The following CLCN5 variants were observed in gnomAD, a reference collection of about 807,000 sequenced individuals.
CLCN5 encodes the protein Cl-/H+ antiporter 5.
Under a neutral mutation model 54.0 loss-of-function variants are expected in CLCN5, and 17 were observed. The ratio of observed to expected loss-of-function variants is 0.31; its 90% CI spans 0.22 to 0.47. The LOEUF (loss-of-function observed/expected upper bound fraction) is 0.47. Among genes scored for constraint, CLCN5 ranks in the 20% least tolerant of loss-of-function variants. CLCN5 has a pLI of 1.00. For missense variants in CLCN5, 448 were observed against 646.7 expected (o/e 0.69, Z 3.33); for synonymous variants, 222 against 233.0 (o/e 0.95, Z 0.43).
intron 3 of CLCN5, chrX:50,010,692 A>C: frequency 5.6e-6 from 1 of 177,428 alleles, no homozygotes; most frequent in Non-Finnish European, 1.2e-5. Flanking sequence ...AATCCTTGCT[A>C]CCTGGGTGAG....
At chrX:50,048,758 C>G (rs930181142) in intron 4 of CLCN5, among the ~76,000 whole-genome samples, 20 of 110,833 alleles carry the variant, frequency 1.8e-4, no homozygotes, top group Admixed American at 1.6e-3. Flanking sequence ...TCCAAGGAAC[C>G]CTGGTTCCTT....
chrX:49,965,431 A>G (rs1927792624), intron 3 of CLCN5, among the ~76,000 whole-genome samples: 1 of 110,972 alleles, frequency 9.0e-6, no homozygotes, highest in Non-Finnish European at 1.9e-5. Flanking sequence ...TCAATTTTTG[A>G]TTGTTGCTAG....
intron 4 of CLCN5, among the ~76,000 whole-genome samples, chrX:50,057,399 C>CTG (rs1932770977): frequency 6.4e-5 from 5 of 78,472 alleles, no homozygotes; most frequent in African/African-American, 2.4e-4. Context: ...CTATCCAGGA[C>CTG]TCTCCTGGAT....
chrX:50,080,608 C>T lies in CLCN5; in HGVS notation c.618C>T (p.Tyr206=), dbSNP rs782322018. Residue 206 remains tyrosine, a synonymous_variant, in exon 8 of 15, where the codon TAC becomes TAT. Transcript: ENST00000376091. ...IISTDEGAFA[Y]IVNYFMYVLW... ...CCCTGTTCCAGGGAGCCTTTGCCTA[C>T]ATAGTCAATTATTTCATGTACGTCC... 8 of 1,205,253 alleles carry T rather than the reference C, an allele frequency of 6.6e-6. No individual in the cohort carries two copies. The highest frequency in any genetic ancestry group is 9.0e-6 in the Non-Finnish European group (8 of 892,837).
At chrX:49,944,351 C>A (rs1926565252) in intron 3 of CLCN5, among the ~76,000 whole-genome samples, 2 of 111,548 alleles carry the variant, frequency 1.8e-5, no homozygotes. Flanking sequence ...CATCTGCAAA[C>A]AGGGACAATT....
chrX:49,929,625 A>G (rs1462522484), intron 3 of CLCN5, among the ~76,000 whole-genome samples: 1 of 111,877 alleles, frequency 8.9e-6, no homozygotes, highest in Non-Finnish European at 1.9e-5. Flanking sequence ...GGTTAATATA[A>G]TGTTTCTTAA....
At chrX:49,937,143 G>A (rs991456917) in intron 3 of CLCN5, among the ~76,000 whole-genome samples, 3 of 111,277 alleles carry the variant, frequency 2.7e-5, no homozygotes, top group Non-Finnish European at 5.7e-5. Context: ...GTGAAAAAAG[G>A]GGTGCAGAAT....
chrX:49,929,228 A>T (rs1378950407), intron 3 of CLCN5, among the ~76,000 whole-genome samples: 1 of 111,628 alleles, frequency 9.0e-6, no homozygotes, highest in East Asian at 2.8e-4. Flanking sequence ...CTGAATTCCC[A>T]TACCTCTTAA....
chrX:49,970,080 A>G (rs1928124762), intron 3 of CLCN5, among the ~76,000 whole-genome samples: 1 of 110,885 alleles, frequency 9.0e-6, no homozygotes, highest in Non-Finnish European at 1.9e-5. Context: ...CTTTCTTTTG[A>G]TTGGTGTTAG....
chrX:49,966,027 G>A (rs1557175396), intron 3 of CLCN5, among the ~76,000 whole-genome samples: 1 of 110,450 alleles, frequency 9.1e-6, no homozygotes, highest in Non-Finnish European at 1.9e-5. Context: ...TTACATGTAT[G>A]TTTATTAGTG....
chrX:49,994,526 T>TAGGA (rs1557179383), intron 3 of CLCN5, among the ~76,000 whole-genome samples: 8,128 of 110,721 alleles, frequency 0.073, 761 homozygotes, highest in African/African-American at 0.26. Context: ...AAAGAAGAAA[T>TAGGA]TGAGGAGAGT....
At chrX:49,950,489 T>C (rs1259360381) in intron 3 of CLCN5, among the ~76,000 whole-genome samples, 1 of 111,384 alleles carries the variant, frequency 9.0e-6, no homozygotes, top group East Asian at 2.8e-4. Context: ...ATAAGGTAAA[T>C]ACCATATTAC....
At chrX:50,050,898 G>A (rs994599449) in intron 4 of CLCN5, among the ~76,000 whole-genome samples, 4 of 110,418 alleles carry the variant, frequency 3.6e-5, no homozygotes, top group East Asian at 2.8e-4. Context: ...TCCTGACCTC[G>A]TGATCCGCCC....
At chrX:49,999,595 T>A (rs1929701407) in intron 3 of CLCN5, among the ~76,000 whole-genome samples, 1 of 110,937 alleles carries the variant, frequency 9.0e-6, no homozygotes, top group Non-Finnish European at 1.9e-5. Context: ...ATAAAAAAAA[T>A]AATCTGCCCC....
At chrX:49,932,569 CAGCAAAAG>C (rs782269187) in intron 3 of CLCN5, among the ~76,000 whole-genome samples, 4 of 111,580 alleles carry the variant, frequency 3.6e-5, no homozygotes, top group South Asian at 3.8e-4. Context: ...TTCTACGTTC[CAGCAAAAG>C]AGCAAAAGAG....
chrX:50,080,009 A>G (rs1384919212), intron 7 of CLCN5, among the ~76,000 whole-genome samples: 1 of 111,819 alleles, frequency 8.9e-6, no homozygotes, highest in East Asian at 2.8e-4. Flanking sequence ...CAATTTCGCT[A>G]TATGTATATA....
intron 3 of CLCN5, among the ~76,000 whole-genome samples, chrX:49,985,841 G>GT (rs1205237563): frequency 9.0e-6 from 1 of 111,265 alleles, no homozygotes; most frequent in Non-Finnish European, 1.9e-5. Flanking sequence ...TTTTAAACAT[G>GT]TATTTTTATA....
intron 3 of CLCN5, chrX:49,945,416 T>C (rs1926644982): frequency 9.1e-6 from 1 of 110,073 alleles, no homozygotes; most frequent in Non-Finnish European, 1.9e-5. Flanking sequence ...ATTCTAATTT[T>C]AGTATATGTG....
At chrX:50,074,511 C>T (rs377353056) in intron 6 of CLCN5, among the ~76,000 whole-genome samples, 1 of 111,812 alleles carries the variant, frequency 8.9e-6, no homozygotes, top group East Asian at 2.8e-4. Flanking sequence ...CGAATCCAGG[C>T]AGTAACAGAT....
Sources: gnomAD v4.1 joint callset for allele counts (sites outside exome capture counted in the v4.1 genomes callset) on GRCh38, gnomAD v4.1.1 for gene constraint, MANE v1.5 for transcripts, NCBI Gene and HGNC (gene_info 2026-07-23, HGNC 2026-07-21) for gene names.